Variants in EPHA3 observed in about 807,000 individuals in gnomAD.
EPHA3 encodes ephrin type-A receptor 3.
A neutral mutation model predicts 107.1 loss-of-function variants in EPHA3; 42 were observed. The observed-to-expected ratio is 0.39, with a 90% confidence interval of 0.31 to 0.51. The LOEUF (loss-of-function observed/expected upper bound fraction) is 0.51. Ranked by LOEUF, EPHA3 falls within the 20% of genes least tolerant of loss-of-function variation. The pLI is 0.78. For synonymous variants in EPHA3, 461 were observed against 424.8 expected (o/e 1.09, Z -1.05); for missense variants, 1,183 against 1,211.2 (o/e 0.98, Z 0.35).
intron 5 of EPHA3, among the ~76,000 whole-genome samples, chr3:89,393,693 T>G (rs1400851515): frequency 2.0e-5 from 3 of 152,316 alleles, no homozygotes; most frequent in Non-Finnish European, 4.4e-5. Flanking sequence ...ATGCAAAATT[T>G]GAGTCCAAAG....
intron 1 of EPHA3, among the ~76,000 whole-genome samples, chr3:89,118,935 C>A (rs1484317964): frequency 6.6e-6 from 1 of 151,602 alleles, no homozygotes; most frequent in African/African-American, 2.4e-5. Context: ...ATTTAAGTCC[C>A]AGAACAGAGT....
chr3:89,355,072 T>G (rs2107448527), intron 5 of EPHA3, among the ~76,000 whole-genome samples: 1 of 151,072 alleles, frequency 6.6e-6, no homozygotes, highest in South Asian at 2.1e-4. Flanking sequence ...CTCTTACTCC[T>G]TTCCCTTTTC....
At chr3:89,382,700 G>T (rs1055415216) in intron 5 of EPHA3, among the ~76,000 whole-genome samples, 12 of 152,096 alleles carry the variant, frequency 7.9e-5, no homozygotes, top group African/African-American at 2.9e-4. Flanking sequence ...TAGCTCTGAG[G>T]TATAGGGACT....
chr3:89,470,952 A>T (rs951827509), intron 15 of EPHA3, among the ~76,000 whole-genome samples: 1 of 152,214 alleles, frequency 6.6e-6, no homozygotes. Context: ...TGCCTGCCAC[A>T]TTGAGTGCAC....
At chr3:89,247,450 A>T (rs891754100) in intron 3 of EPHA3, among the ~76,000 whole-genome samples, 2 of 152,178 alleles carry the variant, frequency 1.3e-5, no homozygotes, top group African/African-American at 4.8e-5. Context: ...ATTGTGAGGG[A>T]TTCAAGAACA....
intron 1 of EPHA3, among the ~76,000 whole-genome samples, chr3:89,116,066 G>A (rs1707246753): frequency 6.6e-6 from 1 of 152,104 alleles, no homozygotes; most frequent in African/African-American, 2.4e-5. Flanking sequence ...GCGTGTGGGG[G>A]GGACCCACTA....
In EPHA3 at chr3:89,418,777, C is replaced by T. The variant is rs115250101; in HGVS notation, c.1889-428C>T. Among the ~76,000 whole-genome samples the T allele has an allele frequency of 9.5e-3, 1,444 of 151,402 alleles. 26 individuals are homozygous for T. Among genetic ancestry groups the T allele is most frequent in the African/African-American group, 0.033 (1,380 of 41,402 alleles). ...GAGTCTGAATATATAGCCATATTGG[C>T]CCTCGGTAAAAACAGAATTGTTAAA... On this transcript the variant is annotated intron_variant, in intron 10 of 16. Coordinates refer to ENST00000336596, the MANE Select transcript of EPHA3 (RefSeq NM_005233.6).
rs554822367 is a variant in EPHA3 at position 89,383,825 on chromosome 3, T to C, written c.1307-12012T>C. On this transcript the variant is annotated intron_variant, in intron 5 of 16. Transcript: ENST00000336596. ...CACCACGCCCGGCTAATTTTTTGTA[T>C]TTTTAGTAGAGATGGGGTTTCACTA... Among the ~76,000 whole-genome samples, 24 of 151,822 alleles carry C rather than the reference T, an allele frequency of 1.6e-4. No individual in the cohort carries two copies. In the East Asian group the frequency reaches 4.7e-3, roughly 30 times the overall value.
At chr3:89,411,182 A>G (rs896845585) in intron 9 of EPHA3, among the ~76,000 whole-genome samples, 1 of 151,274 alleles carries the variant, frequency 6.6e-6, no homozygotes, top group African/African-American at 2.4e-5. Context: ...TTTTTCTCAG[A>G]GCCCTAGCTT....
Position 89,340,896 on chromosome 3 carries a change from G to A in EPHA3, c.815-20G>A, listed in dbSNP as rs1157055079. 1 of 1,578,678 alleles carries A rather than the reference G, an allele frequency of 6.3e-7. No homozygotes were observed. The highest frequency in any genetic ancestry group is 1.4e-5 in the African/African-American group (1 of 73,128). ...AAAAAATTATCACAGACTTTTAAAA[G>A]AGAGTCATTTTGTTTGTAGCTTGTC... On this transcript the variant is annotated intron_variant, in intron 3 of 16. Transcript: ENST00000336596.
In EPHA3 at chr3:89,393,073, C is replaced by T. The variant is rs141147181; in HGVS notation, c.1307-2764C>T. Reference sequence around the variant, plus strand: ...ATGAGTATTAAAAAGTACCGGGCTTCCAGCTGGTGTACTGAGTTGAACTTT... The same window carrying T: ...ATGAGTATTAAAAAGTACCGGGCTTTCAGCTGGTGTACTGAGTTGAACTTT... On this transcript the variant is annotated intron_variant, in intron 5 of 16. Coordinates refer to ENST00000336596, the MANE Select transcript of EPHA3 (RefSeq NM_005233.6). Among the ~76,000 whole-genome samples the T allele has an allele frequency of 2.4e-4, 36 of 152,216 alleles. No homozygotes were observed. In the East Asian group the frequency reaches 7.0e-3, roughly 29 times the overall value.
chr3:89,360,625 C>A (rs1296299388), intron 5 of EPHA3, among the ~76,000 whole-genome samples: 1 of 151,006 alleles, frequency 6.6e-6, no homozygotes, highest in Non-Finnish European at 1.5e-5. Context: ...ATTGCTACCA[C>A]CCTAGTAGCA....
intron 5 of EPHA3, among the ~76,000 whole-genome samples, chr3:89,370,196 A>T (rs959593959): frequency 6.6e-6 from 1 of 151,070 alleles, no homozygotes; most frequent in African/African-American, 2.4e-5. Context: ...TGCTATAAAG[A>T]CACATGCACA....
chr3:89,461,191 G>A (rs1236494868), intron 15 of EPHA3, among the ~76,000 whole-genome samples: 4 of 104,416 alleles, frequency 3.8e-5, no homozygotes, highest in African/African-American at 1.8e-4. Flanking sequence ...ATTCCATGGT[G>A]TATATGTGCC....
chr3:89,419,400 G>GT lies in EPHA3; in HGVS notation c.2074+11dup. The GT allele has an allele frequency of 6.3e-7, 1 of 1,578,022 alleles. No homozygotes were observed. The highest frequency in any genetic ancestry group is 8.6e-7 in the Non-Finnish European group (1 of 1,163,474). On this transcript the variant is annotated intron_variant, in intron 11 of 16. Transcript: ENST00000336596. ...GGAGTTGTTACCAAAAGTAAGTAAAGTAGTCATAAGACCTGTGTTTCCGTA... is the reference window on the plus strand; with the variant it reads ...GGAGTTGTTACCAAAAGTAAGTAAAGTTAGTCATAAGACCTGTGTTTCCGTA...
chr3:89,265,181 T>A (rs1348665700), intron 3 of EPHA3, among the ~76,000 whole-genome samples: 2 of 152,156 alleles, frequency 1.3e-5, no homozygotes, highest in Admixed American at 6.5e-5. Context: ...AGTGCATCTC[T>A]GACTTATAAT....
intron 3 of EPHA3, among the ~76,000 whole-genome samples, chr3:89,249,946 T>A (rs1705123118): frequency 6.6e-6 from 1 of 152,144 alleles, no homozygotes; most frequent in African/African-American, 2.4e-5. Context: ...ACAATTAATA[T>A]CTTTATATAT....
At position 89,376,616 on chromosome 3, in the gene EPHA3, T is replaced by C. The variant is rs541068731; in HGVS notation, c.1307-19221T>C. Among the ~76,000 whole-genome samples the C allele has an allele frequency of 9.9e-5, 15 of 152,142 alleles. No individual in the cohort carries two copies. The South Asian group carries it at 2.9e-3, about 29-fold the overall frequency. On this transcript the variant is annotated intron_variant, in intron 5 of 16. Transcript: ENST00000336596. ...CATATTTTTGTGATTTTTATATTCA[T>C]ATTTAAAAATATAAACAAAGTCTCC...
chr3:89,202,476 G>T (rs554360425), intron 2 of EPHA3, among the ~76,000 whole-genome samples: 1 of 143,282 alleles, frequency 7.0e-6, no homozygotes, highest in Admixed American at 7.0e-5. Flanking sequence ...AGATCACCCT[G>T]CTGCACTCCA....
Sources: gnomAD v4.1 joint callset for allele counts (sites outside exome capture counted in the v4.1 genomes callset) on GRCh38, gnomAD v4.1.1 for gene constraint, MANE v1.5 for transcripts, NCBI Gene and HGNC (gene_info 2026-07-23, HGNC 2026-07-21) for gene names.